The following SLC16A10 variants were observed in gnomAD, a reference collection of about 807,000 sequenced individuals.
SLC16A10 encodes solute carrier family 16 member 10.
SLC16A10 carries 27 observed loss-of-function variants against 40.0 expected under a neutral mutation model. The ratio of observed to expected loss-of-function variants is 0.67; its 90% confidence interval spans 0.50 to 0.93. The LOEUF (loss-of-function observed/expected upper bound fraction) is 0.93. Ranked by LOEUF, SLC16A10 falls within the 40% of genes least tolerant of loss-of-function variation. The probability of loss-of-function intolerance (pLI) is 0.00; values close to 1 mark genes in which losing one functional copy is unlikely to be tolerated. For synonymous variants in SLC16A10, 213 were observed against 249.8 expected (o/e 0.85, Z 1.39); for missense variants, 529 against 658.2 (o/e 0.80, Z 2.15).
chr6:111,191,976 C>T (rs375537741), intron 3 of SLC16A10, among the ~76,000 whole-genome samples: 1 of 152,128 alleles, frequency 6.6e-6, no homozygotes, highest in African/African-American at 2.4e-5. Context: ...TGCCTGTTCA[C>T]TCTGATGGTA....
chr6:111,155,978 T>G (rs572142962), intron 1 of SLC16A10, among the ~76,000 whole-genome samples: 1 of 152,274 alleles, frequency 6.6e-6, no homozygotes, highest in South Asian at 2.1e-4. Flanking sequence ...TGGAGCATCT[T>G]ATATATCAGA....
intron 1 of SLC16A10, among the ~76,000 whole-genome samples, chr6:111,124,249 AAACC>A (rs1240113503): frequency 3.3e-5 from 5 of 152,178 alleles, no homozygotes; most frequent in African/African-American, 1.2e-4. Context: ...AGTTAGGACC[AAACC>A]AAATTATTTG....
At chr6:111,199,864 G>T (rs1476909483) in intron 3 of SLC16A10, among the ~76,000 whole-genome samples, 1 of 150,498 alleles carries the variant, frequency 6.6e-6, no homozygotes, top group African/African-American at 2.4e-5. Context: ...GGCTTTTAAA[G>T]AATTTTTAGA....
At chr6:111,091,840 C>T (rs1770980885) in intron 1 of SLC16A10, among the ~76,000 whole-genome samples, 1 of 152,154 alleles carries the variant, frequency 6.6e-6, no homozygotes, top group East Asian at 1.9e-4. Flanking sequence ...CAAATGTTTA[C>T]CAAGTTATCT....
At position 111,101,062 on chromosome 6, in the gene SLC16A10, A is replaced by T. The variant is rs191135807; in HGVS notation, c.343+12967A>T. Among the ~76,000 whole-genome samples the T allele has an allele frequency of 5.2e-3, 741 of 142,146 alleles. 2 individuals are homozygous for T. Among genetic ancestry groups the T allele is most frequent in the African/African-American group, 0.018 (684 of 38,400 alleles). 93.3% of individuals were successfully genotyped at this position (142,146 alleles called of 152,430 possible). A position where few individuals can be genotyped will look rare whatever the true frequency, so the allele number is the denominator to read the frequency against. On this transcript the variant is annotated intron_variant, in intron 1 of 5. Coordinates refer to ENST00000368851, the MANE Select transcript of SLC16A10 (RefSeq NM_018593.5). ...TTTTCTTTTTTTGAGACAGGATCTC[A>T]TTCTGTCACCCAGGCTGGAGTGCAG...
chr6:111,093,851 A>T (rs1771026692), intron 1 of SLC16A10, among the ~76,000 whole-genome samples: 1 of 152,208 alleles, frequency 6.6e-6, no homozygotes, highest in Admixed American at 6.5e-5. Flanking sequence ...ACTACCTGCT[A>T]AAATAAGTGA....
intron 1 of SLC16A10, 87 bp downstream of exon 1, chr6:111,088,182 G>A: frequency 7.4e-7 from 1 of 1,348,396 alleles, no homozygotes; most frequent in Non-Finnish European, 1.0e-6. Context: ...GTCTGCCTCC[G>A]AGTGTGCATG....
At chr6:111,100,895 G>T (rs1771163555) in intron 1 of SLC16A10, among the ~76,000 whole-genome samples, 1 of 148,668 alleles carries the variant, frequency 6.7e-6, no homozygotes, top group South Asian at 2.1e-4. Context: ...GGTATCATCA[G>T]TATAGTCTAT....
At chr6:111,208,149 G>T (rs916594245) in intron 4 of SLC16A10, among the ~76,000 whole-genome samples, 16 of 149,084 alleles carry the variant, frequency 1.1e-4, no homozygotes, top group Non-Finnish European at 2.2e-4. Context: ...TTGTTTTTTT[G>T]TTTTTTTTCT....
chr6:111,207,896 T>C lies in SLC16A10; in HGVS notation c.1086+1161T>C, dbSNP rs146661748. ...GAAGGGCGGTTATGTACATGAGCTC[T>C]ATCCTGCAATCTACTAGGAGCTATT... On this transcript the variant is annotated intron_variant, in intron 4 of 5. Transcript: ENST00000368851. Among the ~76,000 whole-genome samples, 39 of 152,290 alleles carry C rather than the reference T, an allele frequency of 2.6e-4. No individual in the cohort carries two copies. In the East Asian group the frequency reaches 7.3e-3, roughly 29 times the overall value.
At chr6:111,199,208 C>G (rs1773125731) in intron 3 of SLC16A10, among the ~76,000 whole-genome samples, 1 of 152,078 alleles carries the variant, frequency 6.6e-6, no homozygotes, top group Admixed American at 6.6e-5. Context: ...GCCAGTAGTC[C>G]CAGCGCTTTG....
At chr6:111,090,158 T>C (rs1449380911) in intron 1 of SLC16A10, among the ~76,000 whole-genome samples, 1 of 152,178 alleles carries the variant, frequency 6.6e-6, no homozygotes, top group African/African-American at 2.4e-5. Flanking sequence ...AATATCTTTT[T>C]TCTTTTTACT....
At chr6:111,146,686 G>A (rs1043608345) in intron 1 of SLC16A10, among the ~76,000 whole-genome samples, 3 of 151,756 alleles carry the variant, frequency 2.0e-5, no homozygotes, top group African/African-American at 7.3e-5. Flanking sequence ...GCAGTGAGCC[G>A]AGATTGCGCC....
intron 1 of SLC16A10, among the ~76,000 whole-genome samples, chr6:111,133,841 G>A (rs1429021684): frequency 6.6e-6 from 1 of 152,178 alleles, no homozygotes; most frequent in Non-Finnish European, 1.5e-5. Context: ...CCTCCAAGCG[G>A]TGGGAGAAGA....
At chr6:111,099,652 GGA>G (rs1771138753) in intron 1 of SLC16A10, among the ~76,000 whole-genome samples, 1 of 152,158 alleles carries the variant, frequency 6.6e-6, no homozygotes, top group Non-Finnish European at 1.5e-5. Context: ...TATTTTGTAT[GGA>G]GAGGGGAGGG....
intron 1 of SLC16A10, among the ~76,000 whole-genome samples, chr6:111,169,614 G>T (rs1772544767): frequency 6.6e-6 from 1 of 152,186 alleles, no homozygotes; most frequent in African/African-American, 2.4e-5. Flanking sequence ...CTGGGGAAAA[G>T]ATTTGATTAC....
intron 3 of SLC16A10, among the ~76,000 whole-genome samples, chr6:111,205,685 T>G (rs1773242416): frequency 6.6e-6 from 1 of 152,224 alleles, no homozygotes. Flanking sequence ...ACAAGGCTGA[T>G]AAGAACAGAA....
intron 1 of SLC16A10, among the ~76,000 whole-genome samples, chr6:111,093,608 G>A (rs563175323): frequency 1.3e-4 from 20 of 152,156 alleles, no homozygotes; most frequent in Non-Finnish European, 5.9e-5. Flanking sequence ...TTGCCTTTAC[G>A]CTAAAGAGAT....
chr6:111,190,525 T>A (rs897913934), intron 3 of SLC16A10, among the ~76,000 whole-genome samples: 3 of 152,146 alleles, frequency 2.0e-5, no homozygotes, highest in African/African-American at 7.2e-5. Context: ...TTAGCAGAGG[T>A]TCTTCATGAG....
Sources: allele counts gnomAD v4.1 joint callset (sites outside exome capture counted in the v4.1 genomes callset), GRCh38; gene constraint gnomAD v4.1.1; transcripts MANE v1.5; gene names NCBI Gene and HGNC (gene_info 2026-07-23, HGNC 2026-07-21).